Variants in ADK observed in about 807,000 individuals in gnomAD.
ADK encodes N6,N6-dimethyladenosine kinase.
Under a neutral mutation model 44.7 loss-of-function variants are expected in ADK, and 24 were observed. The observed-to-expected ratio is 0.54, with a 90% CI of 0.39 to 0.76. ADK has a LOEUF of 0.76. Ranked by LOEUF, ADK falls within the 30% of genes least tolerant of loss-of-function variation. The probability of loss-of-function intolerance (pLI) is 0.00; values close to 1 mark genes in which losing one functional copy is unlikely to be tolerated. For missense variants in ADK, 321 were observed against 425.1 expected, an observed-to-expected ratio of 0.76 and a Z score of 2.15; for synonymous variants, 128 against 142.6, an observed-to-expected ratio of 0.90 and a Z score of 0.73.
intron 9 of ADK, among the ~76,000 whole-genome samples, chr10:74,631,260 TA>T (rs1853408730): frequency 6.7e-6 from 1 of 150,128 alleles, no homozygotes. Flanking sequence ...ATGTGTGTGA[TA>T]TATATATGAT....
At chr10:74,240,026 T>C (rs530492612) in intron 3 of ADK, among the ~76,000 whole-genome samples, 20 of 151,982 alleles carry the variant, frequency 1.3e-4, no homozygotes, top group Non-Finnish European at 2.8e-4. Context: ...TTTTTTTTTT[T>C]TCCTCTAAGA....
intron 10 of ADK, among the ~76,000 whole-genome samples, chr10:74,677,904 G>A (rs2134221348): frequency 7.9e-6 from 1 of 126,924 alleles, no homozygotes; most frequent in South Asian, 2.6e-4. Flanking sequence ...GAGGCAGGAG[G>A]ATCACATGAG....
intron 9 of ADK, among the ~76,000 whole-genome samples, chr10:74,647,445 A>C (rs768489302): frequency 1.3e-4 from 20 of 152,202 alleles, no homozygotes; most frequent in Non-Finnish European, 2.8e-4. Context: ...TTTAAAAGGT[A>C]ATTACAGCTT....
intron 6 of ADK, among the ~76,000 whole-genome samples, chr10:74,400,221 G>A (rs1285214405): frequency 6.6e-6 from 1 of 152,100 alleles, no homozygotes; most frequent in African/African-American, 2.4e-5. Context: ...TAACAAAATG[G>A]ATTTCAGTTG....
At chr10:74,405,305 A>G (rs1406604655) in intron 6 of ADK, among the ~76,000 whole-genome samples, 10 of 151,798 alleles carry the variant, frequency 6.6e-5, no homozygotes, top group Non-Finnish European at 1.5e-4. Context: ...GCAGGAGGTG[A>G]GTAGCAGGCC....
chr10:74,568,138 G>A (rs1039516965), intron 7 of ADK, among the ~76,000 whole-genome samples: 8 of 151,920 alleles, frequency 5.3e-5, no homozygotes, highest in African/African-American at 1.9e-4. Context: ...ATTATGAGGT[G>A]GGTGTTGCTG....
chr10:74,526,890 T>A (rs1849062126), intron 7 of ADK, among the ~76,000 whole-genome samples: 1 of 152,244 alleles, frequency 6.6e-6, no homozygotes, highest in Non-Finnish European at 1.5e-5. Context: ...GGAAAAGTGC[T>A]ATTCAAGCCT....
At chr10:74,170,944 A>G (rs1177911692) in intron 1 of ADK, among the ~76,000 whole-genome samples, 1 of 152,126 alleles carries the variant, frequency 6.6e-6, no homozygotes, top group Non-Finnish European at 1.5e-5. Context: ...AGAGATAACT[A>G]ATAACATTTA....
chr10:74,562,936 A>G (rs992124850), intron 7 of ADK, among the ~76,000 whole-genome samples: 2 of 152,022 alleles, frequency 1.3e-5, no homozygotes, highest in African/African-American at 2.4e-5. Context: ...GTGTTGTCTT[A>G]TGGGTGTTTG....
At chr10:74,510,971 A>C (rs1421494574) in intron 6 of ADK, among the ~76,000 whole-genome samples, 1 of 152,134 alleles carries the variant, frequency 6.6e-6, no homozygotes, top group Admixed American at 6.5e-5. Flanking sequence ...ACCTCCCAAG[A>C]TGTTGGGATC....
At chr10:74,311,836 G>C (rs1008100918) in intron 3 of ADK, among the ~76,000 whole-genome samples, 1 of 152,112 alleles carries the variant, frequency 6.6e-6, no homozygotes, top group African/African-American at 2.4e-5. Context: ...ACTTTTCCCA[G>C]CATAGATATA....
intron 4 of ADK, among the ~76,000 whole-genome samples, chr10:74,329,666 G>A (rs1841150181): frequency 6.6e-6 from 1 of 152,148 alleles, no homozygotes. Flanking sequence ...TAGGTTGCAG[G>A]TGGCATGTAT....
chr10:74,169,415 T>G (rs1441398954), intron 1 of ADK, among the ~76,000 whole-genome samples: 1 of 152,214 alleles, frequency 6.6e-6, no homozygotes, highest in Non-Finnish European at 1.5e-5. Flanking sequence ...AGTGTTATCT[T>G]GTACTTTCAG....
intron 7 of ADK, among the ~76,000 whole-genome samples, chr10:74,553,980 CAT>C (rs1360915489): frequency 2.0e-5 from 3 of 152,058 alleles, no homozygotes; most frequent in African/African-American, 7.2e-5. Context: ...TTATATATGA[CAT>C]ATAAATTGTG....
intron 6 of ADK, among the ~76,000 whole-genome samples, chr10:74,448,557 C>T (rs1592228718): frequency 6.6e-6 from 1 of 152,118 alleles, no homozygotes; most frequent in East Asian, 1.9e-4. Context: ...TCTAACCTTG[C>T]CCCAGGAAGA....
chr10:74,346,137 C>T (rs1282144207), intron 4 of ADK, among the ~76,000 whole-genome samples: 1 of 152,196 alleles, frequency 6.6e-6, no homozygotes, highest in Non-Finnish European at 1.5e-5. Context: ...GGTGATCTAC[C>T]TGACTCAGCC....
At chr10:74,533,050 G>A (rs552618405) in intron 7 of ADK, among the ~76,000 whole-genome samples, 5 of 151,098 alleles carry the variant, frequency 3.3e-5, no homozygotes, top group African/African-American at 9.7e-5. Flanking sequence ...TTAAAAATAC[G>A]ATTTCCAATA....
At chr10:74,268,998 A>G (rs556123355) in intron 3 of ADK, among the ~76,000 whole-genome samples, 2 of 152,344 alleles carry the variant, frequency 1.3e-5, no homozygotes, top group South Asian at 2.1e-4. Flanking sequence ...AGGGAGAAAG[A>G]TGAATGATTA....
At chr10:74,284,025 C>T (rs764952747) in intron 3 of ADK, among the ~76,000 whole-genome samples, 3 of 151,712 alleles carry the variant, frequency 2.0e-5, no homozygotes, top group Non-Finnish European at 4.4e-5. Flanking sequence ...ATGGTTTGAT[C>T]TTGGCTCACT....
Sources: allele counts gnomAD v4.1 joint callset (sites outside exome capture counted in the v4.1 genomes callset), GRCh38; gene constraint gnomAD v4.1.1; transcripts MANE v1.5; gene names NCBI Gene and HGNC (gene_info 2026-07-23, HGNC 2026-07-21).